Variants in AGTPBP1 observed in about 807,000 individuals in gnomAD.
The protein encoded by AGTPBP1 is cytosolic carboxypeptidase 1.
A neutral mutation model predicts 143.9 loss-of-function variants in AGTPBP1; 70 were observed. That is an observed-to-expected ratio of 0.49 (90% CI 0.40 to 0.59). The LOEUF is 0.59. Ranked by LOEUF, AGTPBP1 falls within the 20% of genes least tolerant of loss-of-function variation. The pLI is 0.00. For synonymous variants in AGTPBP1, 463 were observed against 500.2 expected (o/e 0.93, Z 0.99); for missense variants, 1,229 against 1,464.5 (o/e 0.84, Z 2.62).
Position 85,666,073 on chromosome 9 carries a change from C to G in AGTPBP1, c.662+3412G>C, listed in dbSNP as rs527390371. On this transcript the variant is annotated intron_variant, in intron 8 of 25. Transcript: ENST00000357081. ...TATTTTTCCAGTCTTCATATTTCCA[C>G]AAAGAATACTACAAGCAACAATAAT... Among the ~76,000 whole-genome samples the G allele has an allele frequency of 1.4e-4, 21 of 152,114 alleles. No individual in the cohort carries two copies. The East Asian group carries it at 4.1e-3, about 29-fold the overall frequency.
At chr9:85,706,010 T>C (rs1413550770) in intron 2 of AGTPBP1, among the ~76,000 whole-genome samples, 1 of 150,984 alleles carries the variant, frequency 6.6e-6, no homozygotes, top group East Asian at 2.0e-4. Flanking sequence ...TTTTATACTA[T>C]GTAGGAAGTG....
At chr9:85,692,641 A>G in intron 3 of AGTPBP1, 48 bp downstream of exon 3, 1 of 1,584,902 alleles carries the variant, frequency 6.3e-7, no homozygotes. Flanking sequence ...ATCCACTTTT[A>G]AAGAATTAAA....
intron 3 of AGTPBP1, among the ~76,000 whole-genome samples, chr9:85,688,511 C>A (rs1011571435): frequency 5.3e-5 from 8 of 151,980 alleles, no homozygotes; most frequent in Non-Finnish European, 1.2e-4. Context: ...AATAAGCTGA[C>A]AGACCAAGAA....
intron 14 of AGTPBP1, among the ~76,000 whole-genome samples, chr9:85,622,945 T>C (rs1587758691): frequency 1.3e-5 from 2 of 152,220 alleles, no homozygotes. Context: ...ATGCCACAAA[T>C]ATGTAAAAAT....
At chr9:85,642,676 T>G (rs1334306739) in intron 13 of AGTPBP1, 151 bp downstream of exon 13, 3 of 666,262 alleles carry the variant, frequency 4.5e-6, no homozygotes, top group Non-Finnish European at 7.6e-6. Context: ...CTCAGGATAT[T>G]GACATAATTA....
chr9:85,743,688 G>T (rs529495074), upstream of AGTPBP1, among the ~76,000 whole-genome samples: 1 of 152,106 alleles, frequency 6.6e-6, no homozygotes, highest in East Asian at 1.9e-4. Context: ...GGCAGATCGC[G>T]TGCTCTGTCA....
chr9:85,591,557 A>G (rs147517849), intron 19 of AGTPBP1, among the ~76,000 whole-genome samples: 1 of 152,292 alleles, frequency 6.6e-6, no homozygotes, highest in African/African-American at 2.4e-5. Flanking sequence ...GGCAAATAAA[A>G]ATAGTGCAAA....
the AGTPBP1 span, among the ~76,000 whole-genome samples, chr9:85,753,657 C>T: frequency 6.6e-6 from 1 of 151,932 alleles, no homozygotes; most frequent in East Asian, 1.9e-4. Context: ...GAGGCTGAGG[C>T]AGGAGAATCG....
intron 12 of AGTPBP1, among the ~76,000 whole-genome samples, chr9:85,644,723 T>G (rs1431983510): frequency 6.6e-6 from 1 of 151,918 alleles, no homozygotes; most frequent in South Asian, 2.1e-4. Context: ...TGCTCCAAAC[T>G]CTGAAAAATC....
chr9:85,752,721 T>C, the AGTPBP1 span, among the ~76,000 whole-genome samples: 2 of 152,138 alleles, frequency 1.3e-5, no homozygotes, highest in African/African-American at 4.8e-5. Context: ...CAATTAAAAA[T>C]TAAGGCTGAG....
At chr9:85,623,901 T>TA (rs1259030520) in intron 14 of AGTPBP1, among the ~76,000 whole-genome samples, 1 of 152,186 alleles carries the variant, frequency 6.6e-6, no homozygotes, top group Non-Finnish European at 1.5e-5. Context: ...TCAAAACAAA[T>TA]AGTCTAGGTA....
chr9:85,723,297 G>A (rs1010105215), intron 1 of AGTPBP1, among the ~76,000 whole-genome samples: 5 of 152,234 alleles, frequency 3.3e-5, no homozygotes, highest in Non-Finnish European at 7.3e-5. Context: ...ATCTAGAAAG[G>A]CAGTAGGCCT....
At chr9:85,793,544 A>G in the AGTPBP1 span, 1 of 146,908 alleles carries the variant, frequency 6.8e-6, no homozygotes, top group African/African-American at 2.4e-5. Context: ...GCAGCCAAGG[A>G]AAGAGAAGGT....
intron 2 of AGTPBP1, 68 bp from the exon 3 acceptor site, chr9:85,692,881 A>G: frequency 6.5e-7 from 1 of 1,534,508 alleles, no homozygotes; most frequent in Admixed American, 2.0e-5. Flanking sequence ...TATAACGATC[A>G]CTGTTTAAAA....
chr9:85,603,531 C>A (rs984378960), intron 17 of AGTPBP1, among the ~76,000 whole-genome samples: 1 of 152,202 alleles, frequency 6.6e-6, no homozygotes, highest in Admixed American at 6.5e-5. Context: ...GTTCTCACTG[C>A]AAGCCTTGGG....
intron 2 of AGTPBP1, among the ~76,000 whole-genome samples, chr9:85,708,140 C>T (rs1453133970): frequency 6.6e-6 from 1 of 152,132 alleles, no homozygotes; most frequent in Non-Finnish European, 1.5e-5. Flanking sequence ...ATTTCCTTGC[C>T]TTTTCCAGTT....
the AGTPBP1 span, chr9:85,792,113 T>C: frequency 1.1e-4 from 16 of 152,350 alleles, no homozygotes; most frequent in African/African-American, 3.8e-4. Context: ...ATGTCCCTGA[T>C]TTTGTCTACC....
At chr9:85,547,701 G>A (rs549614760) in intron 25 of AGTPBP1, among the ~76,000 whole-genome samples, 2 of 152,164 alleles carry the variant, frequency 1.3e-5, no homozygotes, top group Admixed American at 1.3e-4. Context: ...TTGGCTTCTC[G>A]AGTAATGCAC....
intron 25 of AGTPBP1, among the ~76,000 whole-genome samples, chr9:85,571,738 C>T (rs12345943): frequency 4.6e-5 from 7 of 152,262 alleles, no homozygotes; most frequent in Middle Eastern, 3.4e-3. Flanking sequence ...CCATGATAGT[C>T]TTGCCAAAGA....
Sources: allele counts gnomAD v4.1 joint callset (sites outside exome capture counted in the v4.1 genomes callset), GRCh38; gene constraint gnomAD v4.1.1; transcripts MANE v1.5; gene names NCBI Gene and HGNC (gene_info 2026-07-23, HGNC 2026-07-21).